Variants in ABCB11 observed in about 807,000 individuals in gnomAD.
The protein encoded by ABCB11 is ATP binding cassette subfamily B member 11.
A neutral mutation model predicts 148.0 loss-of-function variants in ABCB11; 95 were observed. The ratio of observed to expected loss-of-function variants is 0.64; its 90% confidence interval spans 0.54 to 0.76. The LOEUF (loss-of-function observed/expected upper bound fraction) is 0.76, where lower values mean the gene tolerates loss of function less well. Ranked by LOEUF, ABCB11 falls within the 30% of genes least tolerant of loss-of-function variation. ABCB11 has a pLI of 0.00. For synonymous variants in ABCB11, 591 were observed against 555.4 expected (o/e 1.06, Z -0.90); for missense variants, 1,523 against 1,617.8 (o/e 0.94, Z 1.01).
At chr2:169,015,911 C>T (rs946556871) in intron 3 of ABCB11, among the ~76,000 whole-genome samples, 2 of 152,160 alleles carry the variant, frequency 1.3e-5, no homozygotes, top group Admixed American at 6.5e-5. Context: ...ATTTGCAAAA[C>T]GAATGAATTA....
intron 23 of ABCB11, 119 bp from the exon 24 acceptor site, chr2:168,932,652 G>T: frequency 8.1e-7 from 1 of 1,236,842 alleles, no homozygotes. Flanking sequence ...ATATCCTTGA[G>T]CAAGTCACTT....
chr2:168,933,210 T>C (rs16856252), intron 23 of ABCB11, among the ~76,000 whole-genome samples: 20,782 of 151,890 alleles, frequency 0.14, 1,621 homozygotes, highest in East Asian at 0.34. Context: ...CCAGATTGAG[T>C]TGATTTTTCT....
rs756998862 is a variant in ABCB11 at position 168,932,527 on chromosome 2, G to A, written c.3063C>T (p.Ile1021=). The A allele has an allele frequency of 5.6e-6, 9 of 1,613,374 alleles. No individual in the cohort carries two copies. The highest frequency in any genetic ancestry group is 1.7e-5 in the Admixed American group (1 of 59,980). The change falls in exon 24 of 28, where the codon ATC becomes ATT. Residue 1021 remains isoleucine (I), a synonymous_variant. Transcript: ENST00000650372. The part of the protein sequence containing the change: ...GLHFSYVFRV[I]SAVVLSATAL... The stretch of plus-strand genomic sequence containing the variant: ...CTGTTGCACTCAGTACAACTGCAGA[G>A]ATCACCCTGTAACCAGACAGACACA...
At chr2:168,937,555 C>T (rs1691885574) in intron 21 of ABCB11, among the ~76,000 whole-genome samples, 1 of 152,172 alleles carries the variant, frequency 6.6e-6, no homozygotes, top group South Asian at 2.1e-4. Flanking sequence ...AGTGTCAGTG[C>T]TAGAGCAGTC....
At chr2:168,964,780 G>C (rs73018734) in intron 17 of ABCB11, among the ~76,000 whole-genome samples, 1 of 151,946 alleles carries the variant, frequency 6.6e-6, no homozygotes, top group African/African-American at 2.4e-5. Context: ...TAGGGCCTCT[G>C]ATGAGATTTT....
At chr2:168,929,190 T>C (rs1371640766) in intron 25 of ABCB11, among the ~76,000 whole-genome samples, 1 of 152,178 alleles carries the variant, frequency 6.6e-6, no homozygotes, top group Non-Finnish European at 1.5e-5. Context: ...GAAATTTGCT[T>C]TTGGATGAGC....
chr2:168,967,063 T>A (rs1693350369), intron 17 of ABCB11, among the ~76,000 whole-genome samples: 2 of 151,886 alleles, frequency 1.3e-5, no homozygotes, highest in African/African-American at 4.8e-5. Context: ...AAGAAACATG[T>A]CCACTTTGCA....
chr2:168,971,546 T>A (rs77157648), intron 14 of ABCB11, among the ~76,000 whole-genome samples: 1,979 of 152,162 alleles, frequency 0.013, 37 homozygotes, highest in African/African-American at 0.045. Context: ...AATAAGGACA[T>A]TGGATCTATG....
chr2:168,997,101 G>A, intron 5 of ABCB11, among the ~76,000 whole-genome samples: 1 of 151,972 alleles, frequency 6.6e-6, no homozygotes, highest in East Asian at 1.9e-4. Context: ...TACTCATCAT[G>A]CAGTGATAGA....
chr2:169,016,092 T>C lies in ABCB11; in HGVS notation c.98+686A>G, dbSNP rs768955409. Among the ~76,000 whole-genome samples, 5 of 152,206 alleles carry C rather than the reference T, an allele frequency of 3.3e-5. 1 individual carries two copies. In the South Asian group the frequency reaches 8.3e-4, roughly 25 times the overall value. ...ATTCAACTTCCTACTCATCCTCTCC[T>C]TGCCATTCATCTACATCCACACCCA... is the stretch of plus-strand genomic sequence containing the variant. On this transcript the variant is annotated intron_variant, in intron 3 of 27. Coordinates refer to ENST00000650372, the MANE Select transcript of ABCB11 (RefSeq NM_003742.4).
At chr2:168,931,566 T>A (rs779292448) in intron 24 of ABCB11, among the ~76,000 whole-genome samples, 1 of 152,218 alleles carries the variant, frequency 6.6e-6, no homozygotes, top group Non-Finnish European at 1.5e-5. Context: ...GAGATTGAAT[T>A]AATTTTCAGG....
At chr2:168,916,069 T>C (rs16856209), downstream of ABCB11, among the ~76,000 whole-genome samples, 6,219 of 152,314 alleles carry the variant, frequency 0.041, 433 homozygotes, top group African/African-American at 0.14. Flanking sequence ...TATATTTCAA[T>C]GATTAAATTT....
intron 1 of ABCB11, among the ~76,000 whole-genome samples, chr2:169,020,177 A>T (rs1317333557): frequency 6.6e-6 from 1 of 152,214 alleles, no homozygotes; most frequent in Non-Finnish European, 1.5e-5. Flanking sequence ...TGTTAAGTTC[A>T]TTGTTATGAC....
rs7563233 is a variant in ABCB11 at position 168,986,236 on chromosome 2, T to A, written c.957A>T (p.Gly319=). Residue 319 remains glycine, a synonymous_variant, in exon 10 of 28, where the codon GGA becomes GGT. Transcript: ENST00000650372. ...ATCCAGTAAAGAATCCCATCACTAT[T>A]CCTTTTCTAATTCCCCAACGCTGGG... The part of the protein sequence containing the change: ...VFAQRWGIRK[G]IVMGFFTGFV... 1.9e-6 allele frequency: 3 copies of A among 1,613,072 alleles called. No individual in the cohort carries two copies. The East Asian group carries it at 6.7e-5, about 36-fold the overall frequency.
rs764949363 is a variant in ABCB11 at position 168,935,241 on chromosome 2, T to C, written c.2999A>G (p.Tyr1000Cys). The stretch of plus-strand genomic sequence containing the variant: ...GGAGATTAAGTAACCTCCATATCTG[T>C]AGGAAGCAGAATTCGCAATAAACAT... ...CIMFIANSASYRYGGYLISNE... is the reference protein window; with the variant it reads ...CIMFIANSASCRYGGYLISNE... The change falls in exon 23 of 28, where the codon TAC becomes TGC. Residue 1000 changes from tyrosine to cysteine, a missense_variant. Transcript: ENST00000650372. 3 of 1,613,960 alleles carry C rather than the reference T, an allele frequency of 1.9e-6. No individual in the cohort carries two copies. The Admixed American group carries it at 5.0e-5, about 27-fold the overall frequency.
intron 13 of ABCB11, among the ~76,000 whole-genome samples, chr2:168,973,131 T>G (rs1356295798): frequency 1.3e-5 from 2 of 151,024 alleles, no homozygotes; most frequent in African/African-American, 4.9e-5. Context: ...AATATTTTCG[T>G]TATAATACAA....
At chr2:168,944,019 C>G (rs1692189381) in intron 21 of ABCB11, among the ~76,000 whole-genome samples, 1 of 152,000 alleles carries the variant, frequency 6.6e-6, no homozygotes, top group Non-Finnish European at 1.5e-5. Flanking sequence ...TTGTAAAAGT[C>G]TAGCCTCATC....
chr2:168,929,031 T>C (rs546230190), intron 25 of ABCB11, among the ~76,000 whole-genome samples: 2 of 152,304 alleles, frequency 1.3e-5, no homozygotes, highest in African/African-American at 4.8e-5. Flanking sequence ...CTTCATAATG[T>C]TATACTCTTC....
At chr2:168,951,073 A>C (rs1692545458) in intron 19 of ABCB11, among the ~76,000 whole-genome samples, 1 of 151,666 alleles carries the variant, frequency 6.6e-6, no homozygotes, top group East Asian at 1.9e-4. Context: ...TTTTTCAAAG[A>C]TAACTTGGTT....
Sources: allele counts gnomAD v4.1 joint callset (sites outside exome capture counted in the v4.1 genomes callset), GRCh38; gene constraint gnomAD v4.1.1; transcripts MANE v1.5; gene names NCBI Gene and HGNC (gene_info 2026-07-23, HGNC 2026-07-21).